Variants in SCD observed in about 807,000 individuals in gnomAD.
The protein encoded by SCD is stearoyl-CoA desaturase, also known as acyl-CoA desaturase.
Under a neutral mutation model 35.7 loss-of-function variants are expected in SCD, and 4 were observed. That is an observed-to-expected ratio of 0.11 (90% CI 0.06 to 0.26). The LOEUF (loss-of-function observed/expected upper bound fraction) is 0.26. SCD is among the 10% of genes least tolerant of loss of function. The probability of loss-of-function intolerance (pLI) is 1.00; values close to 1 mark genes in which losing one functional copy is unlikely to be tolerated. For synonymous variants in SCD, 150 were observed against 170.2 expected (o/e 0.88, Z 0.92); for missense variants, 282 against 460.7 (o/e 0.61, Z 3.55).
At position 100,356,444 on chromosome 10, in the gene SCD, ACAGCC is replaced by A; in HGVS notation, c.648-85_648-81del. 1.1e-6 allele frequency: 1 copy of A among 893,904 alleles called. No homozygotes were observed. Among genetic ancestry groups the A allele is most frequent in the Non-Finnish European group, 1.8e-6 (1 of 552,614 alleles). The allele number at this position is 893,904 out of a possible 1,614,324, so 55.4% of individuals were successfully genotyped here. A position where few individuals can be genotyped will look rare whatever the true frequency, so the allele number is the denominator to read the frequency against. On this transcript the variant is annotated intron_variant, in intron 4 of 5. Transcript: ENST00000370355. The surrounding 1 kb of genome is among the most constrained non-coding windows in gnomAD (Gnocchi z 4.1). The stretch of plus-strand genomic sequence containing the variant: ...ACAAGCAATTCAACATGGAAGAAAG[ACAGCC>A]CATCCCCTCCCAATTAGTGTGGAAG...
chr10:100,357,377 T>C (rs926355661), intron 5 of SCD, among the ~76,000 whole-genome samples: 1 of 152,194 alleles, frequency 6.6e-6, no homozygotes, highest in Non-Finnish European at 1.5e-5. Flanking sequence ...TACTCAGATA[T>C]GCCTTGCTTT....
rs1564627247 is a variant in SCD, at chr10:100,362,346, G to T, written c.*1413G>T. 1 of 152,188 alleles carries T rather than the reference G, an allele frequency of 6.6e-6. No homozygotes were observed. The highest frequency in any genetic ancestry group is 1.5e-5 in the Non-Finnish European group (1 of 68,030). 9.4% of individuals were successfully genotyped at this position (152,188 alleles called of 1,614,324 possible). On this transcript the variant is annotated 3_prime_UTR_variant, in exon 6 of 6. Coordinates refer to ENST00000370355, the MANE Select transcript of SCD (RefSeq NM_005063.5). Reference sequence around the variant, plus strand: ...TCCTTGAAATGAGTAAAAACTAGAAGGCTTCTCTCCACAGTGTTGTGCCCC... The same window carrying T: ...TCCTTGAAATGAGTAAAAACTAGAATGCTTCTCTCCACAGTGTTGTGCCCC...
In SCD at chr10:100,363,546, T is replaced by C. The variant is rs562810300; in HGVS notation, c.*2613T>C. On this transcript the variant is annotated 3_prime_UTR_variant, in exon 6 of 6. Coordinates refer to ENST00000370355, the MANE Select transcript of SCD (RefSeq NM_005063.5). ...CCTTGGAAATGTCTGCTGGTATTTC[T>C]AATTCCACAGGTCATCAGATGCCTG... is the stretch of plus-strand genomic sequence containing the variant. The C allele has an allele frequency of 6.6e-6, 1 of 152,374 alleles. No individual in the cohort carries two copies. Among genetic ancestry groups the C allele is most frequent in the Admixed American group, 6.5e-5 (1 of 15,308 alleles). 9.4% of individuals were successfully genotyped at this position (152,374 alleles called of 1,614,324 possible). A position where few individuals can be genotyped will look rare whatever the true frequency, so the allele number is the denominator to read the frequency against.
In SCD at chr10:100,351,963, A is replaced by G. The variant is rs75394763; in HGVS notation, c.311-403A>G. Among the ~76,000 whole-genome samples the G allele has an allele frequency of 8.3e-3, 1,259 of 152,264 alleles. 30 individuals carry two copies. Among genetic ancestry groups the G allele is most frequent in the African/African-American group, 0.029 (1,201 of 41,534 alleles). On this transcript the variant is annotated intron_variant, in intron 2 of 5. Transcript: ENST00000370355. The stretch of plus-strand genomic sequence containing the variant: ...CTGGCCCTCTGCTGTTATTTTAATA[A>G]CACCCTGGCTTATGGGTTCTGAGCT...
chr10:100,360,680 A>C, intron 5 of SCD, 54 bp from the exon 6 acceptor site: 1 of 1,534,504 alleles, frequency 6.5e-7, no homozygotes, highest in Non-Finnish European at 9.0e-7. Context: ...GGTGTGCACA[A>C]ATCAAGAAAA....
intron 2 of SCD, among the ~76,000 whole-genome samples, chr10:100,350,418 CTT>C (rs1441013028): frequency 6.6e-6 from 1 of 152,148 alleles, no homozygotes; most frequent in Non-Finnish European, 1.5e-5. Flanking sequence ...CCTTAAATCT[CTT>C]TCATTTTGGA....
Position 100,364,343 on chromosome 10 carries a change from C to T in SCD, c.*3410C>T, listed in dbSNP as rs1345853004. ...GTGTGACCCTGGGCAAGTCACTTAA[C>T]TATAAGGTGCCTCAGTTTTCCTTCT... is the stretch of plus-strand genomic sequence containing the variant. On this transcript the variant is annotated 3_prime_UTR_variant, in exon 6 of 6. Coordinates refer to ENST00000370355, the MANE Select transcript of SCD (RefSeq NM_005063.5). 6.6e-6 allele frequency: 1 copy of T among 152,580 alleles called. No individual in the cohort carries two copies. Among genetic ancestry groups the T allele is most frequent in the Non-Finnish European group, 1.5e-5 (1 of 68,048 alleles). 9.5% of individuals were successfully genotyped at this position (152,580 alleles called of 1,614,324 possible). A position where few individuals can be genotyped will look rare whatever the true frequency, so the allele number is the denominator to read the frequency against.
rs1295254210 is a variant in SCD, at chr10:100,356,471, G to C, written c.648-61G>C. 5.8e-6 allele frequency: 7 copies of C among 1,214,962 alleles called. No individual in the cohort carries two copies. Among genetic ancestry groups the C allele is most frequent in the Non-Finnish European group, 8.5e-6 (7 of 819,458 alleles). The allele number at this position is 1,214,962 out of a possible 1,614,324, so 75.3% of individuals were successfully genotyped here. The stretch of plus-strand genomic sequence containing the variant: ...AGCCCATCCCCTCCCAATTAGTGTG[G>C]AAGATCCATGTAGGTGTGGAGTCCC... On this transcript the variant is annotated intron_variant, in intron 4 of 5. Transcript: ENST00000370355. This position sits in a 1 kb window ranked among gnomAD's most constrained non-coding sequence, Gnocchi z 4.1.
chr10:100,352,255 C>T lies in SCD; in HGVS notation c.311-111C>T, dbSNP rs981553069. 9.1e-6 allele frequency: 10 copies of T among 1,096,794 alleles called. No individual in the cohort carries two copies. In the Admixed American group the frequency reaches 1.8e-4, roughly 20 times the overall value. 67.9% of individuals were successfully genotyped at this position (1,096,794 alleles called of 1,614,324 possible). A position where few individuals can be genotyped will look rare whatever the true frequency, so the allele number is the denominator to read the frequency against. ...TAGAGTTCATGGTAAAGCCAGTTCT[C>T]ACCCAAAGCCTGACGAAGACAGTTT... On this transcript the variant is annotated intron_variant, in intron 2 of 5. Transcript: ENST00000370355. The surrounding 1 kb of genome is among the most constrained non-coding windows in gnomAD (Gnocchi z 4.2).
chr10:100,347,562 G>T lies in SCD; in HGVS notation c.27+31G>T, dbSNP rs1316760806. 3 of 1,612,762 alleles carry T rather than the reference G, an allele frequency of 1.9e-6. No homozygotes were observed. In the African/African-American group the frequency reaches 4.0e-5, roughly 22 times the overall value. On this transcript the variant is annotated intron_variant, in intron 1 of 5. Coordinates refer to ENST00000370355, the MANE Select transcript of SCD (RefSeq NM_005063.5). Reference sequence around the variant, plus strand: ...TTTCCCAGCCTGGCCCCGTACCGCCGGGTCGCAGGCGCGGGCTGGGCTTCC... The same window carrying T: ...TTTCCCAGCCTGGCCCCGTACCGCCTGGTCGCAGGCGCGGGCTGGGCTTCC...
At chr10:100,353,602 T>C (rs1200791047) in intron 3 of SCD, among the ~76,000 whole-genome samples, 1 of 142,694 alleles carries the variant, frequency 7.0e-6, no homozygotes, top group African/African-American at 2.7e-5. Context: ...AAAAAAAAAG[T>C]TTATAGCAAA....
In SCD at chr10:100,360,856, G is replaced by A. The variant is rs936366088; in HGVS notation, c.1003G>A (p.Asp335Asn). 6.2e-7 allele frequency: 1 copy of A among 1,613,972 alleles called. No homozygotes were observed. The highest frequency in any genetic ancestry group is 1.3e-5 in the African/African-American group (1 of 75,032). Residue 335 changes from aspartate to asparagine, a missense_variant, in exon 6 of 6, where the codon GAC becomes AAC. Physicochemically the swap from Asp to Asn is conservative, Grantham distance 23. Around this residue, in one of 2 missense-constraint regions of SCD, gnomAD observed 205 missense variants for 372.3 expected, o/e 0.55. Coordinates refer to ENST00000370355, the MANE Select transcript of SCD (RefSeq NM_005063.5). ...DCMAALGLAY[D>N]RKKVSKAAIL... ...CATGGCCGCCCTCGGTCTGGCCTATGACCGGAAGAAAGTCTCCAAGGCCGC... is the reference window on the plus strand; with the variant it reads ...CATGGCCGCCCTCGGTCTGGCCTATAACCGGAAGAAAGTCTCCAAGGCCGC...
rs2234970 is a variant in SCD, at chr10:100,356,554, A to C, written c.670A>C (p.Met224Leu). Reference protein sequence around the residue: ...QRRYYKPGLLMMCFILPTLVP... With the variant: ...QRRYYKPGLLLMCFILPTLVP... ...TAGGTACTACAAACCTGGCTTGCTG[A>C]TGATGTGCTTCATCCTGCCCACGCT... is the stretch of plus-strand genomic sequence containing the variant. The change falls in exon 5 of 6, where the codon ATG becomes CTG. Residue 224 changes from methionine (M) to leucine (L), a missense_variant. By Grantham distance (15) the Met-to-Leu change is conservative (BLOSUM62 2). This residue lies in a region of SCD where 205 missense variants were observed against 372.3 expected (regional missense o/e 0.55). Transcript: ENST00000370355. This position sits in a 1 kb window ranked among gnomAD's most constrained non-coding sequence, Gnocchi z 4.1. 0.41 allele frequency: 663,976 copies of C among 1,613,390 alleles called. 138,873 individuals carry two copies. Among genetic ancestry groups the C allele is most frequent in the Admixed American group, 0.54 (32,450 of 59,982 alleles).
At chr10:100,353,667 C>T (rs1177334974) in intron 3 of SCD, among the ~76,000 whole-genome samples, 1 of 151,694 alleles carries the variant, frequency 6.6e-6, no homozygotes, top group Non-Finnish European at 1.5e-5. Context: ...TAAGCTGTAG[C>T]AATGGGCAAA....
chr10:100,347,753 G>C (rs1419479096), intron 1 of SCD, among the ~76,000 whole-genome samples: 1 of 152,196 alleles, frequency 6.6e-6, no homozygotes, highest in Non-Finnish European at 1.5e-5. Flanking sequence ...GGTCGTGCTG[G>C]TGCTTTTATG....
intron 5 of SCD, among the ~76,000 whole-genome samples, chr10:100,359,638 G>C (rs1344083738): frequency 6.6e-6 from 1 of 152,106 alleles, no homozygotes; most frequent in African/African-American, 2.4e-5. Context: ...GACATACCTT[G>C]AAATGCCCTA....
intron 2 of SCD, among the ~76,000 whole-genome samples, chr10:100,349,759 C>G (rs753554109): frequency 6.6e-6 from 1 of 152,054 alleles, no homozygotes; most frequent in Non-Finnish European, 1.5e-5. Context: ...CCAGGAAGAG[C>G]TCTTGTATTT....
At chr10:100,355,350 T>C (rs1430602172) in intron 4 of SCD, among the ~76,000 whole-genome samples, 1 of 152,122 alleles carries the variant, frequency 6.6e-6, no homozygotes, top group East Asian at 1.9e-4. Flanking sequence ...TTTACAACTA[T>C]GTGTGGGGAG....
Position 100,364,506 on chromosome 10 carries a change from A to G in SCD, c.*3573A>G, listed in dbSNP as rs1307339194. On this transcript the variant is annotated 3_prime_UTR_variant, in exon 6 of 6. Coordinates refer to ENST00000370355, the MANE Select transcript of SCD (RefSeq NM_005063.5). ...AGTATTTTTTATAATAGGAATGTCC[A>G]CCATGAACTTGATACGTCCGTGTGT... The G allele has an allele frequency of 6.6e-6, 1 of 152,646 alleles. No individual in the cohort carries two copies. Among genetic ancestry groups the G allele is most frequent in the Non-Finnish European group, 1.5e-5 (1 of 68,044 alleles). 9.5% of individuals were successfully genotyped at this position (152,646 alleles called of 1,614,324 possible). A position where few individuals can be genotyped will look rare whatever the true frequency, so the allele number is the denominator to read the frequency against.
Sources: allele counts gnomAD v4.1 joint callset (sites outside exome capture counted in the v4.1 genomes callset), GRCh38; gene constraint gnomAD v4.1.1; regional missense constraint gnomAD v4.1.1; non-coding constraint Gnocchi (gnomAD v3.1); transcripts MANE v1.5; gene names NCBI Gene and HGNC (gene_info 2026-07-23, HGNC 2026-07-21).